The following CAMK1D variants were observed in gnomAD, a reference collection of about 807,000 sequenced individuals.
The protein encoded by CAMK1D is calcium/calmodulin-dependent protein kinase type 1D.
In CAMK1D, 9 loss-of-function variants were observed where a neutral mutation model predicts 47.7. The observed-to-expected ratio is 0.19, with a 90% confidence interval of 0.11 to 0.33. The LOEUF (loss-of-function observed/expected upper bound fraction) is 0.33, where lower values mean the gene tolerates loss of function less well. CAMK1D is among the 10% of genes least tolerant of loss of function. The pLI is 1.00. For missense variants in CAMK1D, 291 were observed against 488.7 expected, an observed-to-expected ratio of 0.60 and a Z score of 3.81; for synonymous variants, 184 against 184.9, an observed-to-expected ratio of 0.99 and a Z score of 0.04.
chr10:12,564,119 G>GTCTCTCTCTC (rs765364710), intron 2 of CAMK1D, among the ~76,000 whole-genome samples: 4 of 127,318 alleles, frequency 3.1e-5, no homozygotes, highest in South Asian at 2.6e-4. Flanking sequence ...CTGTCTAGAT[G>GTCTCTCTCTC]TCTCTCTCTC....
At chr10:12,825,762 G>A (rs948582769) in intron 10 of CAMK1D, 72 bp downstream of exon 10, 3 of 1,608,212 alleles carry the variant, frequency 1.9e-6, no homozygotes, top group East Asian at 2.2e-5. Flanking sequence ...GGAGGGAGCC[G>A]GCATCTGCCG....
chr10:12,467,572 A>G (rs7915889), intron 1 of CAMK1D, among the ~76,000 whole-genome samples: 40,895 of 152,056 alleles, frequency 0.27, 6,163 homozygotes, highest in Non-Finnish European at 0.33. Context: ...ATGTCAAAAT[A>G]TTTTCACCTC....
rs1004778479 is a variant in CAMK1D at position 12,654,502 on chromosome 10, A to G, written c.225-12234A>G. ...GTTACCAAAAGATTCAAAGAAGGAAATGACAGTATTCCTTTAAATGTGTTA... is the reference window on the plus strand; with the variant it reads ...GTTACCAAAAGATTCAAAGAAGGAAGTGACAGTATTCCTTTAAATGTGTTA... On this transcript the variant is annotated intron_variant, in intron 2 of 10. Transcript: ENST00000619168. Among the ~76,000 whole-genome samples the G allele has an allele frequency of 2.0e-5, 3 of 152,252 alleles. No homozygotes were observed. The South Asian group carries it at 6.2e-4, about 31-fold the overall frequency.
chr10:12,706,916 C>A (rs547817861), intron 3 of CAMK1D, among the ~76,000 whole-genome samples: 34 of 152,176 alleles, frequency 2.2e-4, no homozygotes, highest in African/African-American at 8.0e-4. Context: ...AGCATGATGG[C>A]CATTTAGGGT....
chr10:12,753,900 AT>A (rs991612111), intron 3 of CAMK1D, among the ~76,000 whole-genome samples: 2 of 151,376 alleles, frequency 1.3e-5, no homozygotes, highest in African/African-American at 4.9e-5. Context: ...TTTATTTCTT[AT>A]TTTTTTGAGA....
intron 1 of CAMK1D, among the ~76,000 whole-genome samples, chr10:12,360,760 A>G (rs1837634506): frequency 6.6e-6 from 1 of 152,168 alleles, no homozygotes; most frequent in African/African-American, 2.4e-5. Context: ...GGCTTTGGGG[A>G]ATAGAACCCG....
chr10:12,642,063 GAAAGA>G, intron 2 of CAMK1D, among the ~76,000 whole-genome samples: 1 of 145,482 alleles, frequency 6.9e-6, no homozygotes, highest in Admixed American at 6.8e-5. Context: ...AAAAAAAAAA[GAAAGA>G]AAAGGCCGCA....
rs1833447997 is a variant in CAMK1D, at chr10:12,833,250, C to A, written c.*4363C>A. The A allele has an allele frequency of 1.3e-5, 2 of 152,396 alleles. No individual in the cohort carries two copies. The highest frequency in any genetic ancestry group is 1.3e-4 in the Admixed American group (2 of 15,284). The allele number at this position is 152,396 out of a possible 1,614,324, so 9.4% of individuals were successfully genotyped here. A position where few individuals can be genotyped will look rare whatever the true frequency, so the allele number is the denominator to read the frequency against. On this transcript the variant is annotated 3_prime_UTR_variant, in exon 11 of 11. Coordinates refer to ENST00000619168, the MANE Select transcript of CAMK1D (RefSeq NM_153498.4). The stretch of plus-strand genomic sequence containing the variant: ...TCTGTCTACCCTAGTGTCCATCATG[C>A]CCTGGATGAATCGTAGGTGGGAGGG...
chr10:12,501,258 T>C (rs540070351), intron 1 of CAMK1D, among the ~76,000 whole-genome samples: 18 of 152,348 alleles, frequency 1.2e-4, no homozygotes, highest in Non-Finnish European at 2.4e-4. Context: ...ATTTACTTAG[T>C]CTTCACATTT....
chr10:12,695,055 G>C (rs78799411), intron 3 of CAMK1D, among the ~76,000 whole-genome samples: 419 of 37,628 alleles, frequency 0.011, 2 homozygotes, highest in Non-Finnish European at 0.023. Flanking sequence ...TAGATAGATA[G>C]ATAGATAGAT....
At chr10:12,684,876 T>C (rs1001980339) in intron 3 of CAMK1D, among the ~76,000 whole-genome samples, 6 of 152,200 alleles carry the variant, frequency 3.9e-5, no homozygotes, top group Admixed American at 3.9e-4. Context: ...CAAACATTTA[T>C]CCAGGGTGGT....
chr10:12,810,749 C>T (rs1226303068), intron 6 of CAMK1D, among the ~76,000 whole-genome samples: 1 of 152,208 alleles, frequency 6.6e-6, no homozygotes, highest in African/African-American at 2.4e-5. Context: ...CTTGAGTCCC[C>T]TCCCTTTAGT....
intron 8 of CAMK1D, among the ~76,000 whole-genome samples, chr10:12,820,244 T>C (rs1242074402): frequency 6.6e-6 from 1 of 152,232 alleles, no homozygotes. Context: ...TTCACCATGT[T>C]GGCCAGGATG....
intron 1 of CAMK1D, among the ~76,000 whole-genome samples, chr10:12,527,061 A>G (rs1300883987): frequency 6.6e-6 from 1 of 152,148 alleles, no homozygotes; most frequent in Non-Finnish European, 1.5e-5. Context: ...TACACTCTGT[A>G]GACCATAGAA....
intron 3 of CAMK1D, among the ~76,000 whole-genome samples, chr10:12,722,446 C>CA (rs55809900): frequency 0.52 from 25,344 of 48,518 alleles, 10,193 homozygotes; most frequent in Non-Finnish European, 0.67. Context: ...GACTCCGCCT[C>CA]AAAAAAAAAA....
At chr10:12,674,445 A>G (rs1840728927) in intron 3 of CAMK1D, among the ~76,000 whole-genome samples, 1 of 152,136 alleles carries the variant, frequency 6.6e-6, no homozygotes, top group African/African-American at 2.4e-5. Flanking sequence ...CTGAGATACA[A>G]CAGGGGATGC....
At chr10:12,488,595 T>C (rs1283115207) in intron 1 of CAMK1D, among the ~76,000 whole-genome samples, 1 of 152,164 alleles carries the variant, frequency 6.6e-6, no homozygotes, top group Non-Finnish European at 1.5e-5. Flanking sequence ...TATTATTACA[T>C]TGTAATATAT....
chr10:12,363,140 C>T (rs1393093057), intron 1 of CAMK1D, among the ~76,000 whole-genome samples: 4 of 148,242 alleles, frequency 2.7e-5, no homozygotes, highest in African/African-American at 1.0e-4. Flanking sequence ...AGGGTTTCAC[C>T]ATATTGGTCA....
At chr10:12,819,297 A>C (rs911703446) in intron 8 of CAMK1D, among the ~76,000 whole-genome samples, 1 of 152,246 alleles carries the variant, frequency 6.6e-6, no homozygotes, top group Non-Finnish European at 1.5e-5. Context: ...GCGTCTGGGC[A>C]TACAACACGG....
Sources: gnomAD v4.1 joint callset for allele counts (sites outside exome capture counted in the v4.1 genomes callset) on GRCh38, gnomAD v4.1.1 for gene constraint, MANE v1.5 for transcripts, NCBI Gene and HGNC (gene_info 2026-07-23, HGNC 2026-07-21) for gene names.